Variants in SNX25 observed in about 807,000 individuals in gnomAD.
SNX25 encodes the protein sorting nexin-25.
In SNX25, 62 loss-of-function variants were observed where a neutral mutation model predicts 113.7. The ratio of observed to expected loss-of-function variants is 0.55; its 90% CI spans 0.44 to 0.67. The LOEUF (loss-of-function observed/expected upper bound fraction) is 0.67. Among genes scored for constraint, SNX25 ranks in the 30% least tolerant of loss-of-function variants. The pLI is 0.00. For missense variants in SNX25, 1,014 were observed against 1,161.0 expected, an observed-to-expected ratio of 0.87 and a Z score of 1.84; for synonymous variants, 421 against 436.2, an observed-to-expected ratio of 0.97 and a Z score of 0.43.
the SNX25 span, chr4:185,378,099 A>T: frequency 1.9e-6 from 3 of 1,613,452 alleles, no homozygotes; most frequent in Admixed American, 3.3e-5. Flanking sequence ...TCCTTTTTCC[A>T]CTGGAAAAAT....
chr4:185,287,452 A>G (rs1252547904), intron 5 of SNX25, among the ~76,000 whole-genome samples: 2 of 152,162 alleles, frequency 1.3e-5, no homozygotes, highest in African/African-American at 2.4e-5. Flanking sequence ...TGCAGGGGAG[A>G]GGGCAGTTCT....
intron 1 of SNX25, among the ~76,000 whole-genome samples, chr4:185,228,076 G>A (rs1172579859): frequency 6.6e-6 from 1 of 152,176 alleles, no homozygotes; most frequent in Non-Finnish European, 1.5e-5. Flanking sequence ...TGGCAACTGG[G>A]AGGCCTTTGG....
In SNX25 at chr4:185,346,520, AT is replaced by A. The variant is rs758822888; in HGVS notation, c.2188-11del. 2.6e-5 allele frequency: 39 copies of A among 1,487,904 alleles called. No homozygotes were observed. Among genetic ancestry groups the A allele is most frequent in the Admixed American group, 1.2e-4 (6 of 49,764 alleles). The allele number at this position is 1,487,904 out of a possible 1,614,324, so 92.2% of individuals were successfully genotyped here. On this transcript the variant is annotated splice_polypyrimidine_tract_variant and intron_variant, in intron 12 of 18. Transcript: ENST00000652585. ...TGTAATTTCAAAATACTAACATTTC[AT>A]TTTTTCCCCCCACAGTGCGTCCCTT...
chr4:185,250,567 G>A (rs1338007636), intron 2 of SNX25, among the ~76,000 whole-genome samples: 1 of 152,186 alleles, frequency 6.6e-6, no homozygotes, highest in Non-Finnish European at 1.5e-5. Flanking sequence ...CTCTAAGACT[G>A]CAGTTGCCTT....
intron 13 of SNX25, among the ~76,000 whole-genome samples, chr4:185,348,369 G>A (rs1413137270): frequency 6.6e-6 from 1 of 151,882 alleles, no homozygotes; most frequent in Non-Finnish European, 1.5e-5. Context: ...GGTACAGTTT[G>A]GCATTTTGAT....
chr4:185,248,861 T>C (rs1745227010), intron 2 of SNX25, among the ~76,000 whole-genome samples: 1 of 152,224 alleles, frequency 6.6e-6, no homozygotes, highest in African/African-American at 2.4e-5. Flanking sequence ...CTTCATGGTA[T>C]CACTTCATTT....
chr4:185,268,764 G>A (rs1406498838), intron 5 of SNX25, among the ~76,000 whole-genome samples: 1 of 152,124 alleles, frequency 6.6e-6, no homozygotes, highest in African/African-American at 2.4e-5. Flanking sequence ...ATGGCACTGT[G>A]TTCTTATACA....
chr4:185,314,116 T>C (rs1316817178), intron 7 of SNX25, among the ~76,000 whole-genome samples: 1 of 152,100 alleles, frequency 6.6e-6, no homozygotes, highest in Non-Finnish European at 1.5e-5. Flanking sequence ...AAACTCATGT[T>C]GCTCAAGGGT....
intron 9 of SNX25, among the ~76,000 whole-genome samples, chr4:185,326,885 A>T (rs2126696763): frequency 6.6e-6 from 1 of 152,310 alleles, no homozygotes; most frequent in Middle Eastern, 3.4e-3. Flanking sequence ...CTTTAAGAAA[A>T]ACCTGTTGTG....
At position 185,266,935 on chromosome 4, in the gene SNX25, C is replaced by A. The variant is rs890668509; in HGVS notation, c.905-34C>A. ...AAACAGTTCCCTTAAAGAAGAATAC[C>A]TTTCTCAGTGGCTATTTCTTCTTCT... On this transcript the variant is annotated intron_variant, in intron 4 of 18. Coordinates refer to ENST00000652585, the MANE Select transcript of SNX25 (RefSeq NM_001378034.2). 6.3e-6 allele frequency: 10 copies of A among 1,589,614 alleles called. No individual in the cohort carries two copies. The African/African-American group carries it at 6.8e-5, about 11-fold the overall frequency.
chr4:185,264,300 T>C lies in SNX25; in HGVS notation c.732-138T>C. 3.7e-6 allele frequency: 3 copies of C among 814,192 alleles called. No homozygotes were observed. In the South Asian group the frequency reaches 6.2e-5, roughly 17 times the overall value. The allele number at this position is 814,192 out of a possible 1,614,324, so 50.4% of individuals were successfully genotyped here. A position where few individuals can be genotyped will look rare whatever the true frequency, so the allele number is the denominator to read the frequency against. ...AAAAGTTTTCCAGATGAGTTGATGG[T>C]TGAGGAAATTTGATTATTTAGGAGA... On this transcript the variant is annotated intron_variant, in intron 3 of 18. Transcript: ENST00000652585.
At chr4:185,263,017 C>G (rs1325198980) in intron 3 of SNX25, among the ~76,000 whole-genome samples, 1 of 152,206 alleles carries the variant, frequency 6.6e-6, no homozygotes, top group Non-Finnish European at 1.5e-5. Context: ...ATCTGCCATT[C>G]CTTCTTCCAT....
At chr4:185,313,700 A>C (rs2095048804) in intron 7 of SNX25, among the ~76,000 whole-genome samples, 1 of 152,198 alleles carries the variant, frequency 6.6e-6, no homozygotes, top group Non-Finnish European at 1.5e-5. Context: ...AATTATGTAC[A>C]GTTGGCCCTT....
intron 6 of SNX25, among the ~76,000 whole-genome samples, chr4:185,288,595 G>C (rs1174731270): frequency 1.1e-5 from 1 of 93,014 alleles, no homozygotes; most frequent in African/African-American, 4.0e-5. Context: ...CTCTTGTGTT[G>C]TAGGTTTTGT....
chr4:185,368,649 A>T (rs191922494), downstream of SNX25, among the ~76,000 whole-genome samples: 1 of 152,334 alleles, frequency 6.6e-6, no homozygotes, highest in African/African-American at 2.4e-5. Context: ...TTTTATCAGT[A>T]TCCCCATAAT....
At chr4:185,218,315 C>A (rs185942506) in intron 1 of SNX25, among the ~76,000 whole-genome samples, 1 of 152,230 alleles carries the variant, frequency 6.6e-6, no homozygotes, top group Admixed American at 6.5e-5. Flanking sequence ...GAACTCCTGA[C>A]CTCAGGCGAT....
chr4:185,247,178 T>C (rs1744977037), intron 1 of SNX25, 116 bp from the exon 2 acceptor site: 2 of 667,802 alleles, frequency 3.0e-6, no homozygotes, highest in Non-Finnish European at 5.0e-6. Context: ...ACTTCTGTTA[T>C]TCGTTAAGCC....
chr4:185,279,167 C>T (rs1750197046), intron 5 of SNX25, among the ~76,000 whole-genome samples: 2 of 150,982 alleles, frequency 1.3e-5, no homozygotes, highest in African/African-American at 2.4e-5. Context: ...ATTTTTATAA[C>T]TTTATATGGG....
At chr4:185,368,191 CT>C (rs1032339234), downstream of SNX25, among the ~76,000 whole-genome samples, 4 of 152,060 alleles carry the variant, frequency 2.6e-5, no homozygotes, top group Non-Finnish European at 5.9e-5. Context: ...AAAAAGAAAA[CT>C]TTCCCTTATT....
Sources: gnomAD v4.1 joint callset for allele counts (sites outside exome capture counted in the v4.1 genomes callset) on GRCh38, gnomAD v4.1.1 for gene constraint, MANE v1.5 for transcripts, NCBI Gene and HGNC (gene_info 2026-07-23, HGNC 2026-07-21) for gene names.